Variants in MMS19 observed in about 807,000 individuals in gnomAD.
MMS19 encodes the protein MMS19 nucleotide excision repair protein homolog.
MMS19 carries 77 observed loss-of-function variants against 129.8 expected under a neutral mutation model. The observed-to-expected ratio is 0.59, with a 90% CI of 0.49 to 0.72. The LOEUF is 0.72. Ranked by LOEUF, MMS19 falls within the 30% of genes least tolerant of loss-of-function variation. MMS19 has a pLI of 0.00. For missense variants in MMS19, 1,168 were observed against 1,266.3 expected, an observed-to-expected ratio of 0.92 and a Z score of 1.18; for synonymous variants, 491 against 502.8, an observed-to-expected ratio of 0.98 and a Z score of 0.31.
chr10:97,470,901 C>A, intron 8 of MMS19, 40 bp from the exon 9 acceptor site: 2 of 1,574,532 alleles, frequency 1.3e-6, no homozygotes, highest in South Asian at 1.1e-5. Context: ...TGTAACATTT[C>A]AGACCACCTT....
chr10:97,478,451 T>C (rs2036164351), intron 3 of MMS19, 62 bp from the exon 4 acceptor site: 3 of 1,226,628 alleles, frequency 2.4e-6, no homozygotes, highest in Non-Finnish European at 3.5e-6. Flanking sequence ...AGAGCTTTGT[T>C]CCTTCCCTAA....
intron 24 of MMS19, 60 bp downstream of exon 24, chr10:97,460,846 AT>A (rs2031655837): frequency 6.5e-7 from 1 of 1,531,204 alleles, no homozygotes; most frequent in South Asian, 1.2e-5. Flanking sequence ...AAACAGGGAC[AT>A]TTTATTTAAC....
Position 97,458,636 on chromosome 10 carries a change from AAC to A in MMS19, c.*54_*55del, listed in dbSNP as rs1354464677. On this transcript the variant is annotated 3_prime_UTR_variant, in exon 31 of 31. Coordinates refer to ENST00000438925, the MANE Select transcript of MMS19 (RefSeq NM_022362.5). Reference sequence around the variant, plus strand: ...TTCCCTGCTTTGGGGAAGATGGCTCAACAGTTAGTAATCCCAGGTTAGATTGT... The same window carrying A: ...TTCCCTGCTTTGGGGAAGATGGCTCAAGTTAGTAATCCCAGGTTAGATTGT... The A allele has an allele frequency of 1.9e-6, 3 of 1,542,040 alleles. No homozygotes were observed. Among genetic ancestry groups the A allele is most frequent in the Non-Finnish European group, 2.6e-6 (3 of 1,139,688 alleles).
intron 2 of MMS19, among the ~76,000 whole-genome samples, chr10:97,481,877 G>A (rs1216881369): frequency 1.3e-5 from 2 of 152,184 alleles, no homozygotes; most frequent in African/African-American, 4.8e-5. Context: ...TACTCAGGAA[G>A]TAGAAAACTG....
chr10:97,487,987 G>C (rs1316927846), intron 1 of MMS19, among the ~76,000 whole-genome samples: 1 of 152,134 alleles, frequency 6.6e-6, no homozygotes, highest in Non-Finnish European at 1.5e-5. Flanking sequence ...TACTCGGGAG[G>C]CTGAGGGACA....
chr10:97,491,350 C>G (rs1210612753), intron 1 of MMS19, among the ~76,000 whole-genome samples: 1 of 152,196 alleles, frequency 6.6e-6, no homozygotes, highest in African/African-American at 2.4e-5. Context: ...TCAGTACCTT[C>G]TATTTTTTCA....
chr10:97,459,645 C>G lies in MMS19; in HGVS notation c.2739+14G>C. The stretch of plus-strand genomic sequence containing the variant: ...CTTTGTCCTTTGCTTAGAAGCTCTG[C>G]CTGTGGGACTTACCGTGGGCAGCTC... On this transcript the variant is annotated intron_variant, in intron 27 of 30. Coordinates refer to ENST00000438925, the MANE Select transcript of MMS19 (RefSeq NM_022362.5). The G allele has an allele frequency of 3.8e-6, 6 of 1,595,778 alleles. No individual in the cohort carries two copies. Among genetic ancestry groups the G allele is most frequent in the Non-Finnish European group, 5.1e-6 (6 of 1,172,304 alleles).
At chr10:97,463,356 C>T (rs1412324105) in intron 19 of MMS19, among the ~76,000 whole-genome samples, 1 of 152,060 alleles carries the variant, frequency 6.6e-6, no homozygotes, top group African/African-American at 2.4e-5. Context: ...AACAGGGTCC[C>T]CTGTGTTGCC....
chr10:97,466,628 C>G (rs371819197), intron 15 of MMS19, 43 bp from the exon 16 acceptor site: 4 of 1,578,608 alleles, frequency 2.5e-6, no homozygotes, highest in Non-Finnish European at 3.5e-6. Context: ...TCTTCCCCTG[C>G]AGCCATCACA....
In MMS19 at chr10:97,498,291, CG is replaced by C; in HGVS notation, c.93del (p.Ala32LeufsTer8). 2 of 1,569,182 alleles carry C rather than the reference CG, an allele frequency of 1.3e-6. No homozygotes were observed. The highest frequency in any genetic ancestry group is 2.3e-5 in the East Asian group (1 of 42,856). On this transcript the variant is annotated frameshift_variant, in exon 1 of 31. Coordinates refer to ENST00000438925, the MANE Select transcript of MMS19 (RefSeq NM_022362.5). LOFTEE classifies it high-confidence loss of function. The part of the protein sequence containing the change: ...HDFVVGQQEG[P>X]ADQVAADVKS... ...GCCGTACCTGCAGCCACCTGGTCAG[CG>C]GGGCCCTCTTGCTGACCCACGACGA...
At chr10:97,492,860 CA>C (rs67491435) in intron 1 of MMS19, among the ~76,000 whole-genome samples, 58,395 of 105,844 alleles carry the variant, frequency 0.55, 14,057 homozygotes, top group Non-Finnish European at 0.6. Flanking sequence ...CTTCATCTCC[CA>C]AAAAAAAAAA....
At position 97,468,164 on chromosome 10, in the gene MMS19, G is replaced by A; in HGVS notation, c.1218+88C>T. Reference sequence around the variant, plus strand: ...AGCAAAACCCAAGGTCTACTATGTTGGCCCAAGCTAAAACTTAGCTCACTC... The same window carrying A: ...AGCAAAACCCAAGGTCTACTATGTTAGCCCAAGCTAAAACTTAGCTCACTC... On this transcript the variant is annotated intron_variant, in intron 13 of 30. Transcript: ENST00000438925. 3.0e-6 allele frequency: 4 copies of A among 1,347,384 alleles called. No individual in the cohort carries two copies. The South Asian group carries it at 4.8e-5, about 16-fold the overall frequency. 83.5% of individuals were successfully genotyped at this position (1,347,384 alleles called of 1,614,324 possible).
intron 8 of MMS19, among the ~76,000 whole-genome samples, 167 bp from the exon 9 acceptor site, chr10:97,471,028 T>C (rs989154233): frequency 6.6e-6 from 1 of 152,156 alleles, no homozygotes; most frequent in Non-Finnish European, 1.5e-5. Flanking sequence ...TAGGTACTCC[T>C]TGGGAACTTT....
rs148575472 is a variant in MMS19 at position 97,486,862 on chromosome 10, C to CATATATATATATATATATATATATATAT, written c.113-2739_113-2712dup. 8.8e-4 allele frequency among the ~76,000 whole-genome samples: 75 copies of CATATATATATATATATATATATATATAT among 85,014 alleles called. 3 individuals carry two copies. The highest frequency in any genetic ancestry group is 1.1e-3 in the Non-Finnish European group (44 of 38,382). 55.8% of individuals were successfully genotyped at this position (85,014 alleles called of 152,430 possible). A position where few individuals can be genotyped will look rare whatever the true frequency, so the allele number is the denominator to read the frequency against. Reference sequence around the variant, plus strand: ...TAAGCTTATCCTGAAATTAAAGTGCCATATATATATATATATATATATATA... The same window carrying CATATATATATATATATATATATATATAT: ...TAAGCTTATCCTGAAATTAAAGTGCCATATATATATATATATATATATATATATATATATATATATATATATATATATA... On this transcript the variant is annotated intron_variant, in intron 1 of 30. Coordinates refer to ENST00000438925, the MANE Select transcript of MMS19 (RefSeq NM_022362.5).
At chr10:97,485,523 G>C (rs1233486944) in intron 1 of MMS19, among the ~76,000 whole-genome samples, 1 of 152,186 alleles carries the variant, frequency 6.6e-6, no homozygotes, top group Non-Finnish European at 1.5e-5. Context: ...ATGTTGGCCA[G>C]GCTGGTTTTG....
At chr10:97,471,007 T>A (rs1202729794) in intron 8 of MMS19, 146 bp from the exon 9 acceptor site, 2 of 518,450 alleles carry the variant, frequency 3.9e-6, no homozygotes, top group Admixed American at 7.8e-5. Flanking sequence ...GCAAGAAGAC[T>A]TGCTTGATCT....
chr10:97,475,213 TGTGTG>T (rs1232119435), intron 8 of MMS19, among the ~76,000 whole-genome samples: 1 of 49,430 alleles, frequency 2.0e-5, no homozygotes, highest in African/African-American at 7.8e-5. Context: ...ACAGGAGAAG[TGTGTG>T]TGTGTGTGTG....
intron 5 of MMS19, 76 bp from the exon 6 acceptor site, chr10:97,477,492 T>C (rs1230371576): frequency 6.3e-7 from 1 of 1,598,916 alleles, no homozygotes; most frequent in Non-Finnish European, 8.6e-7. Flanking sequence ...TCCTGCTTCA[T>C]AATCTCTAAG....
Position 97,460,749 on chromosome 10 carries a change from T to C in MMS19, c.2415A>G (p.Val805=). Residue 805 remains valine, a splice_region_variant and synonymous_variant, in exon 25 of 31, where the codon GTA becomes GTG. Transcript: ENST00000438925. Reference sequence around the variant, plus strand: ...GGTATCTGAGCACTAGGGCCTTTGTTACCTGTAATTGGAGACAGAGAGAGC... The same window carrying C: ...GGTATCTGAGCACTAGGGCCTTTGTCACCTGTAATTGGAGACAGAGAGAGC... The part of the protein sequence containing the change: ...RSQAFTLLLW[V]TKALVLRYHP... 1 of 1,596,884 alleles carries C rather than the reference T, an allele frequency of 6.3e-7. No homozygotes were observed. Among genetic ancestry groups the C allele is most frequent in the Non-Finnish European group, 8.5e-7 (1 of 1,171,158 alleles).
Sources: allele counts gnomAD v4.1 joint callset (sites outside exome capture counted in the v4.1 genomes callset), GRCh38; gene constraint gnomAD v4.1.1; transcripts MANE v1.5; gene names NCBI Gene and HGNC (gene_info 2026-07-23, HGNC 2026-07-21).